PTGFR: variants seen among roughly 807,000 people sequenced by gnomAD.
PTGFR encodes the protein prostaglandin F receptor.
Under a neutral mutation model 26.2 loss-of-function variants are expected in PTGFR, and 15 were observed. The ratio of observed to expected loss-of-function variants is 0.57; its 90% CI spans 0.38 to 0.88. PTGFR has a LOEUF of 0.88. Among genes scored for constraint, PTGFR ranks in the 40% least tolerant of loss-of-function variants. The probability of loss-of-function intolerance (pLI) is 0.00; values close to 1 mark genes in which losing one functional copy is unlikely to be tolerated. For missense variants in PTGFR, 369 were observed against 427.2 expected, an observed-to-expected ratio of 0.86 and a Z score of 1.20; for synonymous variants, 165 against 151.1, an observed-to-expected ratio of 1.09 and a Z score of -0.68.
chr1:78,516,757 T>C (rs1253436558), intron 2 of PTGFR, among the ~76,000 whole-genome samples: 1 of 152,170 alleles, frequency 6.6e-6, no homozygotes, highest in African/African-American at 2.4e-5. Context: ...AATTTTTTTT[T>C]TCCTTTGAGA....
chr1:78,503,172 G>C (rs1649750629), intron 2 of PTGFR, among the ~76,000 whole-genome samples: 1 of 151,858 alleles, frequency 6.6e-6, no homozygotes, highest in African/African-American at 2.4e-5. Flanking sequence ...GAATACAGCA[G>C]GTTATAATAA....
chr1:78,538,911 C>G lies in PTGFR; in HGVS notation c.*2224C>G, dbSNP rs1339631527. 6.6e-6 allele frequency: 1 copy of G among 151,986 alleles called. No homozygotes were observed. The highest frequency in any genetic ancestry group is 1.5e-5 in the Non-Finnish European group (1 of 67,968). 9.4% of individuals were successfully genotyped at this position (151,986 alleles called of 1,614,324 possible). On this transcript the variant is annotated 3_prime_UTR_variant, in exon 3 of 3. Transcript: ENST00000370757. ...GGGTAAGGCATTATCCAAGCAACTT[C>G]ACATACTATTTAAACATGATTTCTC...
chr1:78,498,403 A>G (rs1245347746), intron 2 of PTGFR, among the ~76,000 whole-genome samples: 1 of 152,224 alleles, frequency 6.6e-6, no homozygotes, highest in Non-Finnish European at 1.5e-5. Flanking sequence ...GTACATATAT[A>G]TATGTAGTGT....
intron 2 of PTGFR, among the ~76,000 whole-genome samples, chr1:78,523,153 A>G (rs564911383): frequency 6.6e-6 from 1 of 151,976 alleles, no homozygotes; most frequent in East Asian, 1.9e-4. Flanking sequence ...ATATTTTTTC[A>G]TTTTATAAAC....
rs1297024997 is a variant in PTGFR at position 78,536,584 on chromosome 1, A to G, written c.977A>G (p.His326Arg). Residue 326 changes from histidine to arginine, a missense_variant, in exon 3 of 3, where the codon CAT (histidine) becomes CGT (arginine). By Grantham distance (29) the His-to-Arg change is conservative. Transcript: ENST00000370757. ...CTTGCCAGTCAATGCTGTGGAGTGC[A>G]TGTCATCAGCTTACATATTTGGGAG... ...YKLASQCCGVHVISLHIWELS... is the reference protein window; with the variant it reads ...YKLASQCCGVRVISLHIWELS... 1.2e-6 allele frequency: 2 copies of G among 1,613,216 alleles called. No individual in the cohort carries two copies. The highest frequency in any genetic ancestry group is 1.3e-5 in the African/African-American group (1 of 74,866).
chr1:78,497,857 T>A lies in PTGFR; in HGVS notation c.798+4316T>A. The A allele has an allele frequency of 2.6e-6, 4 of 1,543,688 alleles. No individual in the cohort carries two copies. In the Admixed American group the frequency reaches 5.0e-5, roughly 19 times the overall value. ...CTTTTACTGGAAGGCCATATGTTTG[T>A]TTTACCTTCTCTTCAGGGATACAGA... is the stretch of plus-strand genomic sequence containing the variant. On this transcript the variant is annotated intron_variant, in intron 2 of 2. Transcript: ENST00000370757.
chr1:78,525,951 T>C (rs1470509160), intron 2 of PTGFR, among the ~76,000 whole-genome samples: 3 of 152,078 alleles, frequency 2.0e-5, no homozygotes, highest in African/African-American at 7.2e-5. Context: ...TAGAAACTGT[T>C]CCAATTGGAA....
At chr1:78,512,508 T>A (rs752157451) in intron 2 of PTGFR, among the ~76,000 whole-genome samples, 10 of 151,918 alleles carry the variant, frequency 6.6e-5, no homozygotes, top group Non-Finnish European at 1.5e-4. Context: ...CTACACTTTT[T>A]AAAAGAATCA....
chr1:78,508,363 G>T (rs1172988043), intron 2 of PTGFR, among the ~76,000 whole-genome samples: 1 of 152,072 alleles, frequency 6.6e-6, no homozygotes, highest in Non-Finnish European at 1.5e-5. Flanking sequence ...CTGGTATGTG[G>T]CTGGAAACTT....
rs572526786 is a variant in PTGFR, at chr1:78,533,485, A to G, written c.799-2921A>G. ...TAGACAGTCCTCTGTGTGCATAATA[A>G]ATGGAGCCCATTGTTTCCTTCTGTT... On this transcript the variant is annotated intron_variant, in intron 2 of 2. Coordinates refer to ENST00000370757, the MANE Select transcript of PTGFR (RefSeq NM_000959.4). Among the ~76,000 whole-genome samples, 5 of 152,232 alleles carry G rather than the reference A, an allele frequency of 3.3e-5. No individual in the cohort carries two copies. In the South Asian group the frequency reaches 6.2e-4, roughly 19 times the overall value.
In PTGFR at chr1:78,493,194, CAT is replaced by C. The variant is rs745393690; in HGVS notation, c.452_453del (p.His151ArgfsTer27). 1.7e-5 allele frequency: 27 copies of C among 1,614,028 alleles called. No homozygotes were observed. Among genetic ancestry groups the C allele is most frequent in the African/African-American group, 5.3e-5 (4 of 74,896 alleles). On this transcript the variant is annotated frameshift_variant, in exon 2 of 3. Coordinates refer to ENST00000370757, the MANE Select transcript of PTGFR (RefSeq NM_000959.4). LOFTEE classifies it high-confidence loss of function. ...TCATTCTACGAAAATTACATCCAAA[CAT>C]GTGAAAATGATGTTAAGTGGTGTGT... ...IFHSTKITSK[H>X]VKMMLSGVCL...
Position 78,493,507 on chromosome 1 carries a change from T to A in PTGFR, c.764T>A (p.Met255Lys). The A allele has an allele frequency of 6.4e-7, 1 of 1,567,996 alleles. No homozygotes were observed. Among genetic ancestry groups the A allele is most frequent in the Non-Finnish European group, 8.6e-7 (1 of 1,158,504 alleles). ...ATGGTAATCCAGCTCCTGGCGATAA[T>A]GTGTGTCTCCTGTATTTGTTGGAGC... ...LEMVIQLLAI[M>K]CVSCICWSPF... Residue 255 changes from methionine (M) to lysine (K), a missense_variant, in exon 2 of 3, where the codon ATG becomes AAG. Physicochemically the swap from Met to Lys is moderately conservative, Grantham distance 95 (BLOSUM62 -1). Transcript: ENST00000370757.
At position 78,493,156 on chromosome 1, in the gene PTGFR, C is replaced by A; in HGVS notation, c.413C>A (p.Thr138Lys). 2.5e-6 allele frequency: 4 copies of A among 1,614,216 alleles called. No homozygotes were observed. Among genetic ancestry groups the A allele is most frequent in the South Asian group, 1.1e-5 (1 of 91,088 alleles). ...GCCATTGAGCGGTGTATTGGAGTCA[C>A]AAAACCAATATTTCATTCTACGAAA... is the stretch of plus-strand genomic sequence containing the variant. ...VMAIERCIGV[T>K]KPIFHSTKIT... is the part of the protein sequence containing the mutation. Residue 138 changes from threonine to lysine, a missense_variant, in exon 2 of 3, where the codon ACA (threonine) becomes AAA (lysine). Thr to Lys is a moderately conservative substitution (Grantham distance 78). Transcript: ENST00000370757.
intron 2 of PTGFR, among the ~76,000 whole-genome samples, chr1:78,496,148 A>C (rs1649542591): frequency 6.6e-6 from 1 of 152,188 alleles, no homozygotes; most frequent in South Asian, 2.1e-4. Flanking sequence ...TCTGGACACA[A>C]GTGCCTTGGG....
At chr1:78,523,423 T>G (rs1650293918) in intron 2 of PTGFR, among the ~76,000 whole-genome samples, 1 of 152,090 alleles carries the variant, frequency 6.6e-6, no homozygotes, top group African/African-American at 2.4e-5. Context: ...GTAGTCAGTA[T>G]GTTGGGACAG....
chr1:78,500,501 C>T (rs1219582509), intron 2 of PTGFR, among the ~76,000 whole-genome samples: 6 of 152,156 alleles, frequency 3.9e-5, no homozygotes, highest in African/African-American at 1.2e-4. Context: ...TGTTCCTTTG[C>T]CTTGTTGGGA....
intron 2 of PTGFR, among the ~76,000 whole-genome samples, chr1:78,501,949 G>C (rs571459489): frequency 2.1e-4 from 32 of 152,238 alleles, no homozygotes; most frequent in Admixed American, 8.5e-4. Context: ...AAGTTTATTG[G>C]TATTAATGCT....
At chr1:78,502,590 C>A (rs942049011) in intron 2 of PTGFR, among the ~76,000 whole-genome samples, 1 of 152,066 alleles carries the variant, frequency 6.6e-6, no homozygotes, top group East Asian at 1.9e-4. Context: ...GTTGCTGTTA[C>A]TATTAAATAA....
In PTGFR at chr1:78,493,178, G is replaced by A. The variant is rs12088246; in HGVS notation, c.435G>A (p.Thr145=). 13,025 of 1,614,098 alleles carry A rather than the reference G, an allele frequency of 8.1e-3. 867 individuals carry two copies. The African/African-American group carries it at 0.15, about 19-fold the overall frequency. Residue 145 remains threonine, a synonymous_variant, in exon 2 of 3, where the codon ACG becomes ACA. Transcript: ENST00000370757. ...TCACAAAACCAATATTTCATTCTAC[G>A]AAAATTACATCCAAACATGTGAAAA... ...IGVTKPIFHS[T]KITSKHVKMM...
Sources: gnomAD v4.1 joint callset for allele counts (sites outside exome capture counted in the v4.1 genomes callset) on GRCh38, gnomAD v4.1.1 for gene constraint, MANE v1.5 for transcripts, NCBI Gene and HGNC (gene_info 2026-07-23, HGNC 2026-07-21) for gene names.